Variants in CAPN13 observed in about 807,000 individuals in gnomAD.
The protein encoded by CAPN13 is calpain-13.
Under a neutral mutation model 98.4 loss-of-function variants are expected in CAPN13, and 90 were observed. The observed-to-expected ratio is 0.92, with a 90% CI of 0.77 to 1.09. CAPN13 has a LOEUF of 1.09. Among genes scored for constraint, CAPN13 ranks in the 50% least tolerant of loss-of-function variants. The pLI, the probability that CAPN13 is intolerant of heterozygous loss-of-function variation, is 0.00. For synonymous variants in CAPN13, 330 were observed against 305.5 expected, an observed-to-expected ratio of 1.08 and a Z score of -0.84; for missense variants, 887 against 841.3, an observed-to-expected ratio of 1.05 and a Z score of -0.67.
At chr2:30,745,695 G>T (rs372929475) in intron 12 of CAPN13, 28 bp downstream of exon 12, 6 of 1,595,838 alleles carry the variant, frequency 3.8e-6, no homozygotes, top group Non-Finnish European at 5.1e-6. Context: ...CAGCAGAGGC[G>T]CAGGGCAAGG....
chr2:30,794,712 G>T (rs577399193), intron 1 of CAPN13, among the ~76,000 whole-genome samples: 176 of 151,954 alleles, frequency 1.2e-3, no homozygotes, highest in African/African-American at 4.1e-3. Context: ...AAAAAGAAAT[G>T]AATTATTGAT....
intron 1 of CAPN13, among the ~76,000 whole-genome samples, chr2:30,794,401 C>G (rs552137551): frequency 3.3e-5 from 5 of 152,022 alleles, no homozygotes; most frequent in South Asian, 4.1e-4. Context: ...ACTGATCACA[C>G]TGTTTATGGG....
intron 19 of CAPN13, among the ~76,000 whole-genome samples, chr2:30,733,791 A>C (rs1490193884): frequency 1.3e-5 from 2 of 152,138 alleles, no homozygotes. Context: ...GTGATTTTAC[A>C]TTTTATTAAA....
chr2:30,737,315 C>T (rs904441136), intron 17 of CAPN13: 20 of 152,554 alleles, frequency 1.3e-4, no homozygotes, highest in Admixed American at 3.9e-4. Context: ...GCTTCACAGT[C>T]CCAATTCAGC....
At chr2:30,772,114 G>A (rs954487008) in intron 4 of CAPN13, among the ~76,000 whole-genome samples, 5 of 152,146 alleles carry the variant, frequency 3.3e-5, no homozygotes, top group East Asian at 1.9e-4. Flanking sequence ...ATACAAAGGG[G>A]ACATCAGATA....
At chr2:30,751,392 A>G in intron 10 of CAPN13, 141 bp from the exon 11 acceptor site, 1 of 832,878 alleles carries the variant, frequency 1.2e-6, no homozygotes, top group Non-Finnish European at 1.8e-6. Context: ...CAATCCCCAC[A>G]GTTACTACTT....
rs759442975 is a variant in CAPN13, at chr2:30,751,195, T to C, written c.1144A>G (p.Thr382Ala). 1 of 1,614,020 alleles carries C rather than the reference T, an allele frequency of 6.2e-7. No homozygotes were observed. The highest frequency in any genetic ancestry group is 2.2e-5 in the East Asian group (1 of 44,892). ...ACTGTGACGCACACGACAACATTGG[T>C]GCCTTCCATTGGCTCTTGCACAGAG... is the stretch of plus-strand genomic sequence containing the variant. ...NFSVQEPMEG[T>A]NVVVCVTVAV... The change falls in exon 11 of 23, where the codon ACC becomes GCC. Residue 382 changes from threonine to alanine, a missense_variant. By Grantham distance (58) the Thr-to-Ala change is moderately conservative (BLOSUM62 0). Transcript: ENST00000295055.
chr2:30,763,163 G>A lies in CAPN13; in HGVS notation c.700-7C>T. On this transcript the variant is annotated splice_region_variant and splice_polypyrimidine_tract_variant and intron_variant, in intron 6 of 22. Transcript: ENST00000295055. ...CCTGTGCTGTATCTGTTGGCTTCAAGGCAGAAAAGCAGATCAAACATTAGA... is the reference window on the plus strand; with the variant it reads ...CCTGTGCTGTATCTGTTGGCTTCAAAGCAGAAAAGCAGATCAAACATTAGA... 2 of 1,609,348 alleles carry A rather than the reference G, an allele frequency of 1.2e-6. No homozygotes were observed. Among genetic ancestry groups the A allele is most frequent in the Admixed American group, 3.3e-5 (2 of 59,706 alleles).
intron 1 of CAPN13, among the ~76,000 whole-genome samples, chr2:30,790,569 C>A (rs755997241): frequency 6.6e-6 from 1 of 152,186 alleles, no homozygotes; most frequent in African/African-American, 2.4e-5. Context: ...CTCTTTAGCT[C>A]CCCTTGGTGT....
In CAPN13 at chr2:30,738,231, A is replaced by T. The variant is rs1205825504; in HGVS notation, c.1653+4T>A. On this transcript the variant is annotated splice_donor_region_variant and intron_variant, in intron 17 of 22. Transcript: ENST00000295055. ...AGCATGGGAGGGATGACCGCAAAGG[A>T]TACTTCCATCAGAGCCACCAAGCTG... The T allele has an allele frequency of 6.2e-7, 1 of 1,613,938 alleles. No individual in the cohort carries two copies. The highest frequency in any genetic ancestry group is 8.5e-7 in the Non-Finnish European group (1 of 1,179,874).
Position 30,777,573 on chromosome 2 carries a change from C to T in CAPN13, c.265G>A (p.Gly89Ser), listed in dbSNP as rs1170315822. Reference sequence around the variant, plus strand: ...GAAGATGTTGCACTCTTACCTGCGCCTCCTTGTTGGATGTCAAATCTGCTT... The same window carrying T: ...GAAGATGTTGCACTCTTACCTGCGCTTCCTTGTTGGATGTCAAATCTGCTT... ...DISRFDIQQG[G>S]AADCWFLAAL... Residue 89 changes from glycine to serine, a missense_variant, in exon 3 of 23, where the codon GGC becomes AGC. Coordinates refer to ENST00000295055, the MANE Select transcript of CAPN13 (RefSeq NM_144575.3). The T allele has an allele frequency of 5.7e-6, 9 of 1,575,566 alleles. No individual in the cohort carries two copies. The highest frequency in any genetic ancestry group is 5.2e-6 in the Non-Finnish European group (6 of 1,158,944).
chr2:30,784,877 G>A (rs1257606971), intron 2 of CAPN13, among the ~76,000 whole-genome samples: 1 of 152,208 alleles, frequency 6.6e-6, no homozygotes, highest in Non-Finnish European at 1.5e-5. Context: ...AGCCAGGCCT[G>A]CCATGTGGTC....
At chr2:30,779,562 T>C (rs528943457) in intron 2 of CAPN13, among the ~76,000 whole-genome samples, 1 of 152,282 alleles carries the variant, frequency 6.6e-6, no homozygotes, top group South Asian at 2.1e-4. Context: ...TCTGACATAG[T>C]ACATGTTCAA....
At chr2:30,785,585 C>T (rs1674232432) in intron 2 of CAPN13, among the ~76,000 whole-genome samples, 1 of 152,164 alleles carries the variant, frequency 6.6e-6, no homozygotes, top group Non-Finnish European at 1.5e-5. Flanking sequence ...AGTAATTTCA[C>T]TTCTGTTGGC....
chr2:30,747,804 G>A (rs1671987899), intron 11 of CAPN13, among the ~76,000 whole-genome samples: 2 of 152,180 alleles, frequency 1.3e-5, no homozygotes, highest in African/African-American at 2.4e-5. Context: ...AGTTGTCCAG[G>A]TCTGAACTGT....
chr2:30,766,529 GC>G (rs1311808836), intron 5 of CAPN13, among the ~76,000 whole-genome samples: 1 of 152,156 alleles, frequency 6.6e-6, no homozygotes, highest in Admixed American at 6.5e-5. Context: ...ACTATTCTTA[GC>G]CCCCTTTGCT....
chr2:30,800,148 G>GAAAAGAAAGAAAAGAAAGA (rs1172811444), intron 1 of CAPN13, among the ~76,000 whole-genome samples: 1 of 147,956 alleles, frequency 6.8e-6, no homozygotes, highest in African/African-American at 2.6e-5. Flanking sequence ...AAGAAAGAAA[G>GAAAAGAAAGAAAAGAAAGA]AAAGAAAGAA....
At position 30,734,518 on chromosome 2, in the gene CAPN13, A is replaced by C; in HGVS notation, c.1729T>G (p.Phe577Val). 6.2e-7 allele frequency: 1 copy of C among 1,613,566 alleles called. No individual in the cohort carries two copies. Among genetic ancestry groups the C allele is most frequent in the African/African-American group, 1.3e-5 (1 of 75,044 alleles). The change falls in exon 19 of 23, where the codon TTC (phenylalanine) becomes GTC (valine). Residue 577 changes from phenylalanine to valine, a missense_variant. Coordinates refer to ENST00000295055, the MANE Select transcript of CAPN13 (RefSeq NM_144575.3). ...CCAGGGCTTGTCTGAACCTTCTGGA[A>C]AACATGCTAATAGGGGAAGAGAAGC... is the stretch of plus-strand genomic sequence containing the variant. ...WKRLVHYQHVFQKVQTSPGVL... is the reference protein window; with the variant it reads ...WKRLVHYQHVVQKVQTSPGVL...
At chr2:30,738,133 C>G (rs905724468) in intron 17 of CAPN13, 102 bp downstream of exon 17, 30 of 1,210,638 alleles carry the variant, frequency 2.5e-5, no homozygotes, top group Non-Finnish European at 3.4e-5. Context: ...AGAGAAAATA[C>G]TGAGTGGGAA....
Sources: allele counts gnomAD v4.1 joint callset (sites outside exome capture counted in the v4.1 genomes callset), GRCh38; gene constraint gnomAD v4.1.1; transcripts MANE v1.5; gene names NCBI Gene and HGNC (gene_info 2026-07-23, HGNC 2026-07-21).